TENM3: variants seen among roughly 807,000 people sequenced by gnomAD.
The protein encoded by TENM3 is teneurin-3.
A neutral mutation model predicts 255.1 loss-of-function variants in TENM3; 63 were observed. That is an observed-to-expected ratio of 0.25 (90% CI 0.20 to 0.30). TENM3 has a LOEUF of 0.30. TENM3 is among the 10% of genes least tolerant of loss of function. TENM3 has a pLI of 1.00. For missense variants in TENM3, 2,929 were observed against 3,461.1 expected (o/e 0.85, Z 3.86); for synonymous variants, 1,306 against 1,322.3 (o/e 0.99, Z 0.27).
intron 12 of TENM3, among the ~76,000 whole-genome samples, chr4:182,708,521 G>A (rs1012550646): frequency 6.6e-5 from 10 of 152,258 alleles, no homozygotes; most frequent in African/African-American, 1.4e-4. Flanking sequence ...GAGACCTGGC[G>A]GGGCGTGGTG....
chr4:182,717,129 A>T (rs1759259214), intron 13 of TENM3, among the ~76,000 whole-genome samples: 2 of 152,190 alleles, frequency 1.3e-5, no homozygotes, highest in African/African-American at 2.4e-5. Flanking sequence ...TTCTTAGGCC[A>T]AGCATCTTCC....
chr4:182,264,480 A>C (rs1234411412), intron 1 of TENM3, among the ~76,000 whole-genome samples: 3 of 152,212 alleles, frequency 2.0e-5, no homozygotes, highest in Non-Finnish European at 4.4e-5. Flanking sequence ...TAAAAATCTT[A>C]TTAAATAGTT....
chr4:182,225,871 A>C (rs1284826776), intron 1 of TENM3, among the ~76,000 whole-genome samples: 3 of 152,156 alleles, frequency 2.0e-5, no homozygotes, highest in Admixed American at 6.5e-5. Flanking sequence ...ATTTGATCCA[A>C]TCTAGCAGCA....
chr4:182,407,067 G>T (rs1769632559), intron 3 of TENM3, among the ~76,000 whole-genome samples: 1 of 152,072 alleles, frequency 6.6e-6, no homozygotes. Context: ...TTTATCCATG[G>T]TTCGACTGTA....
chr4:181,767,246 C>T, the TENM3 span, among the ~76,000 whole-genome samples: 28 of 113,642 alleles, frequency 2.5e-4, no homozygotes, highest in East Asian at 4.8e-3. Flanking sequence ...TGCGAGACTC[C>T]GTCTCAAAAA....
At chr4:182,453,440 T>C (rs1002193456) in intron 3 of TENM3, among the ~76,000 whole-genome samples, 3 of 152,220 alleles carry the variant, frequency 2.0e-5, no homozygotes, top group Non-Finnish European at 2.9e-5. Flanking sequence ...AAACAGAGTT[T>C]CTCTCTTAAA....
At chr4:182,784,790 G>A (rs1420101715) in intron 24 of TENM3, among the ~76,000 whole-genome samples, 1 of 152,276 alleles carries the variant, frequency 6.6e-6, no homozygotes, top group Non-Finnish European at 1.5e-5. Flanking sequence ...GAAAAGCGCA[G>A]TATTCGGGTG....
chr4:182,546,737 G>A (rs1436714762), intron 3 of TENM3, among the ~76,000 whole-genome samples: 1 of 152,170 alleles, frequency 6.6e-6, no homozygotes, highest in Admixed American at 6.5e-5. Context: ...TCCTACCAGA[G>A]ATTTAATCTG....
At chr4:181,512,661 C>A in the TENM3 span, among the ~76,000 whole-genome samples, 31,429 of 152,152 alleles carry the variant, frequency 0.21, 4,174 homozygotes, top group Non-Finnish European at 0.3. Flanking sequence ...CGTTTGAAAC[C>A]AGAATATATT....
chr4:181,625,091 C>A, the TENM3 span, among the ~76,000 whole-genome samples: 4 of 152,178 alleles, frequency 2.6e-5, no homozygotes, highest in African/African-American at 9.7e-5. Flanking sequence ...AGGGCCCATC[C>A]TGTTCAAGGG....
At chr4:182,540,728 A>T (rs1472504377) in intron 3 of TENM3, among the ~76,000 whole-genome samples, 1 of 152,162 alleles carries the variant, frequency 6.6e-6, no homozygotes, top group Non-Finnish European at 1.5e-5. Context: ...CTAGGAATTG[A>T]GATAGCTCGG....
At chr4:182,560,134 T>TCA (rs1416005896) in intron 3 of TENM3, among the ~76,000 whole-genome samples, 4 of 149,736 alleles carry the variant, frequency 2.7e-5, no homozygotes, top group African/African-American at 2.5e-5. Flanking sequence ...TACATCACAA[T>TCA]CACACACACA....
At chr4:181,497,670 C>A in the TENM3 span, among the ~76,000 whole-genome samples, 1 of 152,116 alleles carries the variant, frequency 6.6e-6, no homozygotes, top group African/African-American at 2.4e-5. Flanking sequence ...GTCCTTTTAT[C>A]TTGAAACTTC....
rs1750240342 is a variant in TENM3, at chr4:182,621,732, TATATAATATATAA to T, written c.750-6918_750-6906del. 4.1e-4 allele frequency among the ~76,000 whole-genome samples: 3 copies of T among 7,394 alleles called. 1 individual carries two copies. The highest frequency in any genetic ancestry group is 1.8e-3 in the Non-Finnish European group (3 of 1,640). 4.9% of individuals were successfully genotyped at this position (7,394 alleles called of 152,430 possible). On this transcript the variant is annotated intron_variant, in intron 4 of 27. Coordinates refer to ENST00000511685, the MANE Select transcript of TENM3 (RefSeq NM_001080477.4). ...TATATAATATATATTATATATAAAA[TATATAATATATAA>T]TATATTATAATATATAATAATTATA...
At chr4:182,072,405 C>A in the TENM3 span, among the ~76,000 whole-genome samples, 1 of 152,180 alleles carries the variant, frequency 6.6e-6, no homozygotes, top group Non-Finnish European at 1.5e-5. Context: ...CTAAAACTAA[C>A]CCTGCCAACA....
At position 182,775,036 on chromosome 4, in the gene TENM3, G is replaced by A. The variant is rs774056208; in HGVS notation, c.5187G>A (p.Pro1729=). Residue 1729 remains proline (P), a synonymous_variant, in exon 24 of 28, where the codon CCG becomes CCA. Transcript: ENST00000511685. ...ACGTTCTGGCTGGCACCGCTAATCCGACGGTTGCCAAAAGAAACATGACTT... is the reference window on the plus strand; with the variant it reads ...ACGTTCTGGCTGGCACCGCTAATCCAACGGTTGCCAAAAGAAACATGACTT... ...EPHVLAGTAN[P]TVAKRNMTLP... 46 of 1,613,836 alleles carry A rather than the reference G, an allele frequency of 2.9e-5. No individual in the cohort carries two copies. Among genetic ancestry groups the A allele is most frequent in the Non-Finnish European group, 3.3e-5 (39 of 1,179,902 alleles).
At chr4:182,189,731 G>C (rs539520407) in intron 1 of TENM3, among the ~76,000 whole-genome samples, 1 of 152,172 alleles carries the variant, frequency 6.6e-6, no homozygotes, top group Non-Finnish European at 1.5e-5. Context: ...ATCAGTAGGC[G>C]TGTGGGTGTG....
At chr4:182,554,163 G>C (rs1272987451) in intron 3 of TENM3, among the ~76,000 whole-genome samples, 3 of 152,134 alleles carry the variant, frequency 2.0e-5, no homozygotes, top group Admixed American at 1.3e-4. Context: ...AAGGCTTTCT[G>C]ATGACCAGCT....
intron 3 of TENM3, among the ~76,000 whole-genome samples, chr4:182,581,543 T>C (rs546088899): frequency 1.3e-5 from 2 of 152,126 alleles, no homozygotes; most frequent in African/African-American, 4.8e-5. Flanking sequence ...TTCAAGACCA[T>C]CCTGGCCAAC....
Sources: gnomAD v4.1 joint callset for allele counts (sites outside exome capture counted in the v4.1 genomes callset) on GRCh38, gnomAD v4.1.1 for gene constraint, MANE v1.5 for transcripts, NCBI Gene and HGNC (gene_info 2026-07-23, HGNC 2026-07-21) for gene names.